The following FRMD5 variants were observed in gnomAD, a reference collection of about 807,000 sequenced individuals.
The protein encoded by FRMD5 is FERM domain-containing protein 5.
FRMD5 carries 20 observed loss-of-function variants against 69.0 expected under a neutral mutation model. The observed-to-expected ratio is 0.29, with a 90% CI of 0.20 to 0.42. The LOEUF (loss-of-function observed/expected upper bound fraction) is 0.42. Ranked by LOEUF, FRMD5 falls within the 10% of genes least tolerant of loss-of-function variation. The pLI is 1.00. For missense variants in FRMD5, 595 were observed against 708.6 expected (o/e 0.84, Z 1.82); for synonymous variants, 271 against 260.1 (o/e 1.04, Z -0.40).
chr15:43,931,883 C>T (rs1776123242), intron 1 of FRMD5, among the ~76,000 whole-genome samples: 1 of 152,070 alleles, frequency 6.6e-6, no homozygotes, highest in African/African-American at 2.4e-5. Flanking sequence ...TACTTATGTT[C>T]CTTAGAAGTT....
At chr15:44,089,025 T>C (rs1894320481) in intron 1 of FRMD5, among the ~76,000 whole-genome samples, 1 of 152,206 alleles carries the variant, frequency 6.6e-6, no homozygotes, top group Non-Finnish European at 1.5e-5. Flanking sequence ...TGATAAACTT[T>C]CATATTTATT....
At chr15:44,057,741 G>T (rs1036785510) in intron 1 of FRMD5, among the ~76,000 whole-genome samples, 1 of 152,134 alleles carries the variant, frequency 6.6e-6, no homozygotes, top group Non-Finnish European at 1.5e-5. Context: ...GCTATAATTG[G>T]TTCTGTTATT....
intron 1 of FRMD5, among the ~76,000 whole-genome samples, chr15:44,048,642 G>A (rs757959578): frequency 4.6e-5 from 7 of 151,908 alleles, no homozygotes; most frequent in East Asian, 1.9e-4. Flanking sequence ...GTGTGATCTC[G>A]TCTCACGGCA....
intron 5 of FRMD5, 53 bp from the exon 6 acceptor site, chr15:43,906,004 T>C (rs2089163529): frequency 1.2e-6 from 2 of 1,610,648 alleles, no homozygotes; most frequent in Admixed American, 3.3e-5. Flanking sequence ...AAATCATCAT[T>C]GACAAAGCAA....
chr15:44,078,001 A>G lies in FRMD5; in HGVS notation c.102+116952T>C, dbSNP rs947870304. Among the ~76,000 whole-genome samples, 4 of 152,272 alleles carry G rather than the reference A, an allele frequency of 2.6e-5. No homozygotes were observed. The East Asian group carries it at 5.8e-4, about 22-fold the overall frequency. On this transcript the variant is annotated intron_variant, in intron 1 of 13. Transcript: ENST00000417257. The stretch of plus-strand genomic sequence containing the variant: ...TATGTCTATATTACATACATATCTT[A>G]TACATTGCAGAATAAAATCCCCAAA...
intron 1 of FRMD5, among the ~76,000 whole-genome samples, chr15:43,953,354 C>T (rs939133529): frequency 3.3e-5 from 5 of 152,172 alleles, no homozygotes; most frequent in African/African-American, 9.7e-5. Context: ...GGTAGCATCC[C>T]CATCCCTCAA....
At chr15:44,137,599 A>G (rs2077205978) in intron 1 of FRMD5, among the ~76,000 whole-genome samples, 1 of 152,196 alleles carries the variant, frequency 6.6e-6, no homozygotes, top group African/African-American at 2.4e-5. Context: ...GCATACCAGA[A>G]GGAGGTTAAA....
rs755885560 is a variant in FRMD5 at position 43,884,758 on chromosome 15, T to C, written c.997A>G (p.Lys333Glu). ...ATTTCCGGTGGCTCCCGTTTGATCT[T>C]AGCACTTGATTCCATGACTTCCTTT... is the stretch of plus-strand genomic sequence containing the variant. ...VAKEVMESSA[K>E]IKREPPEIHR... Residue 333 changes from lysine (K) to glutamate (E), a missense_variant, in exon 12 of 14, where the codon AAG (lysine) becomes GAG (glutamate). Around this residue, in one of 5 missense-constraint regions of FRMD5, gnomAD observed 176 missense variants for 266.3 expected, o/e 0.66. Transcript: ENST00000417257. 1 of 1,614,104 alleles carries C rather than the reference T, an allele frequency of 6.2e-7. No individual in the cohort carries two copies. Among genetic ancestry groups the C allele is most frequent in the South Asian group, 1.1e-5 (1 of 91,078 alleles).
chr15:44,026,615 C>T (rs746998857), intron 1 of FRMD5, among the ~76,000 whole-genome samples: 36 of 152,036 alleles, frequency 2.4e-4, no homozygotes, highest in Non-Finnish European at 4.6e-4. Context: ...ATAAAGTATC[C>T]GAAGTTAGGA....
At position 43,976,737 on chromosome 15, in the gene FRMD5, G is replaced by C. The variant is rs140309916; in HGVS notation, c.103-52428C>G. On this transcript the variant is annotated intron_variant, in intron 1 of 13. Coordinates refer to ENST00000417257, the MANE Select transcript of FRMD5 (RefSeq NM_032892.5). Reference sequence around the variant, plus strand: ...GCTGGAGTGCAATGGTGCGATCTCGGCTCACTGCAACCTCTGCCTTCCAGG... The same window carrying C: ...GCTGGAGTGCAATGGTGCGATCTCGCCTCACTGCAACCTCTGCCTTCCAGG... 2.3e-3 allele frequency among the ~76,000 whole-genome samples: 353 copies of C among 152,250 alleles called. 7 individuals carry two copies. The East Asian group carries it at 0.06, about 26-fold the overall frequency.
At chr15:43,929,316 T>C (rs990059670) in intron 1 of FRMD5, among the ~76,000 whole-genome samples, 3 of 152,182 alleles carry the variant, frequency 2.0e-5, no homozygotes, top group African/African-American at 7.2e-5. Flanking sequence ...GGAGAGGAGC[T>C]TTATTTTAAC....
chr15:43,911,925 G>A (rs1443020420), intron 4 of FRMD5, among the ~76,000 whole-genome samples: 1 of 152,086 alleles, frequency 6.6e-6, no homozygotes, highest in Non-Finnish European at 1.5e-5. Context: ...TGAGAGGCTT[G>A]GGCTTGAAGA....
intron 1 of FRMD5, among the ~76,000 whole-genome samples, chr15:44,145,556 C>T (rs2140456802): frequency 6.6e-6 from 1 of 152,192 alleles, no homozygotes; most frequent in South Asian, 2.1e-4. Context: ...ACATACATTT[C>T]AAAACACAAA....
intron 1 of FRMD5, among the ~76,000 whole-genome samples, chr15:44,075,502 A>G (rs1893720693): frequency 6.6e-6 from 1 of 152,142 alleles, no homozygotes; most frequent in South Asian, 2.1e-4. Flanking sequence ...AACCTTTTTG[A>G]CATTTATAAT....
intron 1 of FRMD5, among the ~76,000 whole-genome samples, chr15:44,148,319 T>G (rs1485310616): frequency 6.6e-6 from 1 of 152,126 alleles, no homozygotes; most frequent in East Asian, 1.9e-4. Flanking sequence ...TCCCCCAGGT[T>G]GGAGTGCAGG....
chr15:44,193,007 A>G (rs551964487), intron 1 of FRMD5, among the ~76,000 whole-genome samples: 7 of 152,244 alleles, frequency 4.6e-5, no homozygotes, highest in African/African-American at 1.4e-4. Flanking sequence ...CACAAATCCA[A>G]TAAGTCCTAT....
chr15:44,027,525 T>A (rs970744118), intron 1 of FRMD5, among the ~76,000 whole-genome samples: 4 of 152,168 alleles, frequency 2.6e-5, no homozygotes, highest in Non-Finnish European at 5.9e-5. Context: ...TTCTGTTACA[T>A]GACTCTTATT....
chr15:44,042,099 T>C (rs1362404461), intron 1 of FRMD5, among the ~76,000 whole-genome samples: 1 of 152,040 alleles, frequency 6.6e-6, no homozygotes, highest in Non-Finnish European at 1.5e-5. Context: ...ATAAAGGGGA[T>C]ATCACCACCA....
intron 13 of FRMD5, among the ~76,000 whole-genome samples, chr15:43,880,010 C>T (rs958572028): frequency 1.1e-4 from 17 of 152,176 alleles, no homozygotes; most frequent in African/African-American, 3.6e-4. Flanking sequence ...GATAAGGGCT[C>T]CAACCTCTCA....
Sources: gnomAD v4.1 joint callset for allele counts (sites outside exome capture counted in the v4.1 genomes callset) on GRCh38, gnomAD v4.1.1 for gene constraint, gnomAD v4.1.1 regional missense constraint, MANE v1.5 for transcripts, NCBI Gene and HGNC (gene_info 2026-07-23, HGNC 2026-07-21) for gene names.